FAF1: variants seen among roughly 807,000 people sequenced by gnomAD.
FAF1 encodes the protein FAS-associated factor 1.
FAF1 carries 25 observed loss-of-function variants against 92.5 expected under a neutral mutation model. The ratio of observed to expected loss-of-function variants is 0.27; its 90% confidence interval spans 0.20 to 0.38. The LOEUF (loss-of-function observed/expected upper bound fraction) is 0.38, where lower values mean the gene tolerates loss of function less well. Among genes scored for constraint, FAF1 ranks in the 10% least tolerant of loss-of-function variants. FAF1 has a pLI of 1.00. For synonymous variants in FAF1, 234 were observed against 273.2 expected, an observed-to-expected ratio of 0.86 and a Z score of 1.42; for missense variants, 636 against 793.3, an observed-to-expected ratio of 0.80 and a Z score of 2.38.
At chr1:50,837,933 C>T (rs111655515) in intron 2 of FAF1, among the ~76,000 whole-genome samples, 10,072 of 151,932 alleles carry the variant, frequency 0.066, 413 homozygotes, top group East Asian at 0.094. Flanking sequence ...TTAGCAGAGA[C>T]GGGGTTTCAC....
intron 8 of FAF1, among the ~76,000 whole-genome samples, chr1:50,638,690 C>T (rs1202707538): frequency 2.6e-5 from 4 of 152,058 alleles, no homozygotes; most frequent in Admixed American, 6.6e-5. Context: ...GTGATCCACC[C>T]GCCTTGGCTT....
chr1:50,917,647 AG>A (rs1446293133), intron 1 of FAF1, among the ~76,000 whole-genome samples: 1 of 132,844 alleles, frequency 7.5e-6, no homozygotes, highest in East Asian at 2.2e-4. Context: ...AGGAAAGGAA[AG>A]GAAAGGAAAG....
intron 4 of FAF1, among the ~76,000 whole-genome samples, chr1:50,748,048 G>C (rs989967991): frequency 6.6e-6 from 1 of 152,096 alleles, no homozygotes. Context: ...CCCAGTCTCA[G>C]GTATTTTTTT....
chr1:50,638,666 G>A (rs527241011), intron 8 of FAF1, among the ~76,000 whole-genome samples: 113 of 151,848 alleles, frequency 7.4e-4, no homozygotes, highest in Non-Finnish European at 1.4e-3. Flanking sequence ...GGTTGGTGTT[G>A]AACTCCTGAC....
chr1:50,945,183 T>A (rs986961800), intron 1 of FAF1, among the ~76,000 whole-genome samples: 2 of 152,170 alleles, frequency 1.3e-5, no homozygotes, highest in African/African-American at 4.8e-5. Flanking sequence ...AAAGGTGCAC[T>A]ACTGTTAGAC....
chr1:50,919,625 T>C (rs1644947087), intron 1 of FAF1, among the ~76,000 whole-genome samples: 1 of 151,978 alleles, frequency 6.6e-6, no homozygotes, highest in Non-Finnish European at 1.5e-5. Context: ...GTAGCTGGGA[T>C]TACAAGCACC....
intron 9 of FAF1, 41 bp downstream of exon 9, chr1:50,596,080 A>T: frequency 2.2e-6 from 3 of 1,362,894 alleles, no homozygotes; most frequent in Non-Finnish European, 3.1e-6. Flanking sequence ...TAGGTGGGGG[A>T]TGGGCCTTCT....
intron 2 of FAF1, among the ~76,000 whole-genome samples, chr1:50,826,570 A>C (rs1425416721): frequency 6.6e-6 from 1 of 151,608 alleles, no homozygotes; most frequent in African/African-American, 2.4e-5. Flanking sequence ...AAAAAAATGG[A>C]TCTTTATTAA....
At chr1:50,601,278 T>A (rs12083078) in intron 8 of FAF1, among the ~76,000 whole-genome samples, 31,216 of 152,202 alleles carry the variant, frequency 0.21, 3,943 homozygotes, top group African/African-American at 0.36. Context: ...ATGACTGATC[T>A]CTGGCTATGT....
intron 15 of FAF1, among the ~76,000 whole-genome samples, chr1:50,513,896 T>C (rs1258753197): frequency 6.6e-6 from 1 of 152,202 alleles, no homozygotes; most frequent in Non-Finnish European, 1.5e-5. Context: ...TACAGCTCTT[T>C]CTGTTATTTA....
intron 7 of FAF1, among the ~76,000 whole-genome samples, chr1:50,679,501 A>G (rs1334249912): frequency 6.6e-6 from 1 of 151,764 alleles, no homozygotes; most frequent in Non-Finnish European, 1.5e-5. Context: ...CTGCCTCTCT[A>G]CTCAGACATT....
At position 50,592,702 on chromosome 1, in the gene FAF1, C is replaced by T. The variant is rs536537127; in HGVS notation, c.840+3419G>A. Among the ~76,000 whole-genome samples, 11 of 152,312 alleles carry T rather than the reference C, an allele frequency of 7.2e-5. No homozygotes were observed. In the East Asian group the frequency reaches 2.1e-3, roughly 29 times the overall value. On this transcript the variant is annotated intron_variant, in intron 9 of 18. Coordinates refer to ENST00000396153, the MANE Select transcript of FAF1 (RefSeq NM_007051.3). ...GTGACTCACACCTGTAACCCCAACACTTTGGGAGGCCAAGGAGGGCAGATC... is the reference window on the plus strand; with the variant it reads ...GTGACTCACACCTGTAACCCCAACATTTTGGGAGGCCAAGGAGGGCAGATC...
intron 3 of FAF1, among the ~76,000 whole-genome samples, chr1:50,794,232 C>G (rs1336984087): frequency 6.6e-6 from 1 of 152,032 alleles, no homozygotes; most frequent in African/African-American, 2.4e-5. Context: ...TTTGTATTTC[C>G]CAACAATAAA....
intron 15 of FAF1, among the ~76,000 whole-genome samples, chr1:50,497,943 C>T (rs951009587): frequency 6.6e-6 from 1 of 152,026 alleles, no homozygotes; most frequent in Non-Finnish European, 1.5e-5. Context: ...TCTCAAGGGA[C>T]CCCTAATAAT....
At chr1:50,739,228 A>G (rs1394364479) in intron 5 of FAF1, among the ~76,000 whole-genome samples, 1 of 152,018 alleles carries the variant, frequency 6.6e-6, no homozygotes, top group Non-Finnish European at 1.5e-5. Context: ...ATATATGTAT[A>G]TGCATACATA....
intron 8 of FAF1, among the ~76,000 whole-genome samples, chr1:50,618,589 C>T (rs1653045580): frequency 6.6e-6 from 1 of 151,766 alleles, no homozygotes; most frequent in South Asian, 2.1e-4. Context: ...ATGCCAAAAA[C>T]TTGTTTTATG....
At chr1:50,617,179 A>T (rs1569590359) in intron 8 of FAF1, among the ~76,000 whole-genome samples, 1 of 152,242 alleles carries the variant, frequency 6.6e-6, no homozygotes, top group African/African-American at 2.4e-5. Flanking sequence ...GTACTATGTT[A>T]AATAGGAGTG....
intron 12 of FAF1, among the ~76,000 whole-genome samples, chr1:50,576,215 A>C (rs1377632328): frequency 2.6e-5 from 4 of 152,226 alleles, no homozygotes; most frequent in Admixed American, 2.0e-4. Flanking sequence ...TTAAGTCTCA[A>C]AACAACCTCT....
chr1:50,637,262 C>G (rs1207309708), intron 8 of FAF1, among the ~76,000 whole-genome samples: 1 of 143,306 alleles, frequency 7.0e-6, no homozygotes, highest in East Asian at 2.0e-4. Context: ...ATGGTAAAAC[C>G]CCATTTCTAC....
Sources: gnomAD v4.1 joint callset for allele counts (sites outside exome capture counted in the v4.1 genomes callset) on GRCh38, gnomAD v4.1.1 for gene constraint, MANE v1.5 for transcripts, NCBI Gene and HGNC (gene_info 2026-07-23, HGNC 2026-07-21) for gene names.